The following CNTN6 variants were observed in gnomAD, a reference collection of about 807,000 sequenced individuals.
The protein encoded by CNTN6 is contactin 6.
A neutral mutation model predicts 122.8 loss-of-function variants in CNTN6; 137 were observed. The observed-to-expected ratio is 1.12, with a 90% CI of 0.97 to 1.29. The LOEUF is 1.29. Ranked by LOEUF, CNTN6 falls within the 50% of genes most tolerant of loss-of-function variation. The pLI, the probability that CNTN6 is intolerant of heterozygous loss-of-function variation, is 0.00. For missense variants in CNTN6, 1,634 were observed against 1,223.4 expected (o/e 1.34, Z -5.01); for synonymous variants, 570 against 426.0 (o/e 1.34, Z -4.16).
intron 4 of CNTN6, among the ~76,000 whole-genome samples, chr3:1,250,220 G>A (rs1048110481): frequency 3.9e-5 from 6 of 152,188 alleles, no homozygotes; most frequent in African/African-American, 1.2e-4. Context: ...GGCAGAGCCA[G>A]GACTTTAAAC....
At chr3:1,290,219 T>C (rs920811998) in intron 5 of CNTN6, among the ~76,000 whole-genome samples, 9 of 152,256 alleles carry the variant, frequency 5.9e-5, no homozygotes, top group Non-Finnish European at 1.2e-4. Context: ...TTCAAGTTTT[T>C]ATATCTGTTC....
At chr3:1,252,046 A>G (rs2094680356) in intron 4 of CNTN6, among the ~76,000 whole-genome samples, 1 of 152,208 alleles carries the variant, frequency 6.6e-6, no homozygotes, top group Non-Finnish European at 1.5e-5. Context: ...CAACAAAGGC[A>G]GCCTCTTTCT....
intron 4 of CNTN6, among the ~76,000 whole-genome samples, chr3:1,233,689 C>A (rs112029215): frequency 1.5e-5 from 2 of 129,732 alleles, no homozygotes; most frequent in African/African-American, 3.0e-5. Context: ...GAGCTGAGAT[C>A]GTGCCAGTAC....
At chr3:1,296,080 C>G (rs555444) in intron 6 of CNTN6, among the ~76,000 whole-genome samples, 1 of 152,026 alleles carries the variant, frequency 6.6e-6, no homozygotes, top group African/African-American at 2.4e-5. Context: ...AAAACAAAAA[C>G]GATGTTCCGG....
At chr3:1,155,027 C>T (rs558449914) in intron 2 of CNTN6, among the ~76,000 whole-genome samples, 1 of 152,250 alleles carries the variant, frequency 6.6e-6, no homozygotes, top group East Asian at 1.9e-4. Context: ...CCATTATACC[C>T]ATCTCCAATC....
At chr3:1,180,767 C>T (rs866219740) in intron 2 of CNTN6, among the ~76,000 whole-genome samples, 6 of 152,172 alleles carry the variant, frequency 3.9e-5, no homozygotes, top group Non-Finnish European at 8.8e-5. Context: ...GTCCCTTGCA[C>T]CTGCACACAT....
intron 7 of CNTN6, among the ~76,000 whole-genome samples, chr3:1,311,127 G>T (rs1051660267): frequency 6.7e-6 from 1 of 148,776 alleles, no homozygotes; most frequent in Non-Finnish European, 1.5e-5. Context: ...ATATACATAG[G>T]TGTATGTATA....
chr3:1,388,182 G>A (rs942423442), intron 20 of CNTN6, among the ~76,000 whole-genome samples: 54 of 151,288 alleles, frequency 3.6e-4, no homozygotes, highest in East Asian at 3.1e-3. Flanking sequence ...TTTGAAGAGA[G>A]CACTGGTTCT....
At chr3:1,297,012 A>G (rs1287686555) in intron 6 of CNTN6, among the ~76,000 whole-genome samples, 1 of 152,132 alleles carries the variant, frequency 6.6e-6, no homozygotes, top group Non-Finnish European at 1.5e-5. Flanking sequence ...GTGAGCAGGT[A>G]GGAAATATCA....
rs947361233 is a variant in CNTN6 at position 1,201,152 on chromosome 3, T to C, written c.56-19535T>C. On this transcript the variant is annotated intron_variant, in intron 2 of 22. Coordinates refer to ENST00000446702, the MANE Select transcript of CNTN6 (RefSeq NM_001289080.2). ...GTGTGTGTGTGTGTGTGTGTATTTT[T>C]TGTAGAGACAGGGTTTCACTATGCT... Among the ~76,000 whole-genome samples, 14 of 149,472 alleles carry C rather than the reference T, an allele frequency of 9.4e-5. No individual in the cohort carries two copies. The East Asian group carries it at 2.6e-3, about 28-fold the overall frequency.
chr3:1,159,599 C>T (rs2093074052), intron 2 of CNTN6, among the ~76,000 whole-genome samples: 1 of 151,250 alleles, frequency 6.6e-6, no homozygotes. Context: ...GGCAAATATA[C>T]TGTCATTAAT....
rs957352299 is a variant in CNTN6 at position 1,388,705 on chromosome 3, G to C, written c.2704+2908G>C. 2.3e-4 allele frequency among the ~76,000 whole-genome samples: 34 copies of C among 147,800 alleles called. 1 individual carries two copies. Among genetic ancestry groups the C allele is most frequent in the Middle Eastern group, 3.4e-3 (1 of 292 alleles). On this transcript the variant is annotated intron_variant, in intron 20 of 22. Coordinates refer to ENST00000446702, the MANE Select transcript of CNTN6 (RefSeq NM_001289080.2). ...ATGTATAACTAGAATAACCAATATA[G>C]AGAAGTGCTTAAAGGAGCTGATGGA...
At chr3:1,362,676 C>T (rs115073588) in intron 12 of CNTN6, among the ~76,000 whole-genome samples, 3 of 151,904 alleles carry the variant, frequency 2.0e-5, no homozygotes, top group Non-Finnish European at 4.4e-5. Flanking sequence ...TAGTGAATAA[C>T]TTTTAACATA....
At chr3:1,266,889 A>G (rs1221288803) in intron 4 of CNTN6, among the ~76,000 whole-genome samples, 1 of 151,254 alleles carries the variant, frequency 6.6e-6, no homozygotes, top group African/African-American at 2.4e-5. Context: ...GGAGTGAATT[A>G]CAAGTGAGCT....
intron 16 of CNTN6, among the ~76,000 whole-genome samples, chr3:1,375,956 T>A (rs143012016): frequency 1.3e-4 from 19 of 151,970 alleles, no homozygotes; most frequent in African/African-American, 4.1e-4. Context: ...TGGGGAAAAA[T>A]TTGAAATGAG....
chr3:1,312,095 C>G (rs1190840984), intron 7 of CNTN6, among the ~76,000 whole-genome samples: 1 of 151,896 alleles, frequency 6.6e-6, no homozygotes, highest in African/African-American at 2.4e-5. Context: ...AAATATCTTG[C>G]CAGTTTCTCA....
At chr3:1,187,594 G>C (rs543799173) in intron 2 of CNTN6, among the ~76,000 whole-genome samples, 1 of 152,290 alleles carries the variant, frequency 6.6e-6, no homozygotes, top group East Asian at 1.9e-4. Flanking sequence ...AGTTTTCATA[G>C]GGAGGCTGGG....
intron 7 of CNTN6, among the ~76,000 whole-genome samples, chr3:1,305,915 G>A (rs1252346964): frequency 6.6e-6 from 1 of 152,104 alleles, no homozygotes; most frequent in East Asian, 1.9e-4. Context: ...GAATTTTCAG[G>A]TGACAGAGGA....
At chr3:1,247,943 C>A (rs375678388) in intron 4 of CNTN6, among the ~76,000 whole-genome samples, 1 of 152,120 alleles carries the variant, frequency 6.6e-6, no homozygotes. Context: ...GTAGCTGTTA[C>A]AAGAGCATCA....
Sources: allele counts gnomAD v4.1 joint callset (sites outside exome capture counted in the v4.1 genomes callset), GRCh38; gene constraint gnomAD v4.1.1; transcripts MANE v1.5; gene names NCBI Gene and HGNC (gene_info 2026-07-23, HGNC 2026-07-21).